SYCE2: variants seen among roughly 807,000 people sequenced by gnomAD.
SYCE2 encodes the protein synaptonemal complex central element protein 2, also known as central element synaptonemal complex 1.
In SYCE2, 3 loss-of-function variants were observed where a neutral mutation model predicts 27.9. The observed-to-expected ratio is 0.11, with a 90% CI of 0.05 to 0.28. SYCE2 has a LOEUF of 0.28. Among genes scored for constraint, SYCE2 ranks in the 10% least tolerant of loss-of-function variants. The probability of loss-of-function intolerance (pLI) is 1.00; values close to 1 mark genes in which losing one functional copy is unlikely to be tolerated. For synonymous variants in SYCE2, 85 were observed against 100.7 expected (o/e 0.84, Z 0.93); for missense variants, 207 against 263.5 (o/e 0.79, Z 1.48).
intron 5 of SYCE2, 87 bp downstream of exon 5, chr19:12,899,917 G>C (rs1341463636): frequency 1.9e-6 from 3 of 1,549,230 alleles, no homozygotes; most frequent in African/African-American, 2.7e-5. Context: ...AGTGCCTTAT[G>C]CTGGGTGTTG....
chr19:12,907,327 G>A (rs968055129), intron 2 of SYCE2, among the ~76,000 whole-genome samples: 20 of 152,298 alleles, frequency 1.3e-4, no homozygotes, highest in African/African-American at 4.6e-4. Flanking sequence ...CTGGTATCCT[G>A]CTTCCTACTA....
chr19:12,904,454 A>G (rs373948502), intron 3 of SYCE2, 38 bp downstream of exon 3: 8 of 1,612,418 alleles, frequency 5.0e-6, no homozygotes, highest in Admixed American at 1.7e-5. Flanking sequence ...CCCCTTTTGC[A>G]TAAGGAATCC....
At chr19:12,913,462 A>AAGG (rs1286847583) in intron 2 of SYCE2, among the ~76,000 whole-genome samples, 1 of 152,196 alleles carries the variant, frequency 6.6e-6, no homozygotes, top group Non-Finnish European at 1.5e-5. Context: ...GAGAGGAGGC[A>AAGG]AGCTAATCAA....
rs753299337 is a variant in SYCE2, at chr19:12,919,271, G to A, written c.-14C>T. 6.2e-7 allele frequency: 1 copy of A among 1,609,874 alleles called. No individual in the cohort carries two copies. The highest frequency in any genetic ancestry group is 1.3e-5 in the African/African-American group (1 of 75,052). On this transcript the variant is annotated 5_prime_UTR_variant, in exon 1 of 6. Transcript: ENST00000293695. ...CTGTCGCTCCATTCCGTATTTTCCC[G>A]CCTTCAAGCTCGCACCCTCTGCGCA...
rs1440337002 is a variant in SYCE2 at position 12,900,217 on chromosome 19, CCTTT to C, written c.496-101_496-98del. ...GTGGCAGGGGTGCAAGGGACTTTGTCCTTTCTGTCACCACAGAGCTGCTCATACA... is the reference window on the plus strand; with the variant it reads ...GTGGCAGGGGTGCAAGGGACTTTGTCCTGTCACCACAGAGCTGCTCATACA... On this transcript the variant is annotated intron_variant, in intron 4 of 5. Transcript: ENST00000293695. 4.2e-6 allele frequency: 6 copies of C among 1,422,178 alleles called. No individual in the cohort carries two copies. In the African/African-American group the frequency reaches 8.6e-5, roughly 20 times the overall value. 88.1% of individuals were successfully genotyped at this position (1,422,178 alleles called of 1,614,324 possible).
At chr19:12,917,531 T>C (rs1971158692) in intron 2 of SYCE2, among the ~76,000 whole-genome samples, 1 of 150,996 alleles carries the variant, frequency 6.6e-6, no homozygotes, top group African/African-American at 2.4e-5. Flanking sequence ...CCCAGCTAAC[T>C]TCTGTATTTT....
Position 12,899,233 on chromosome 19 carries a change from A to T in SYCE2, c.*108T>A. ...CTTTGGGTTTTTGTTTTTTTCTGCC[A>T]AGATGCATTATAGAACCATGAAAAA... On this transcript the variant is annotated 3_prime_UTR_variant, in exon 6 of 6. Transcript: ENST00000293695. 9.7e-7 allele frequency: 1 copy of T among 1,031,122 alleles called. No homozygotes were observed. The highest frequency in any genetic ancestry group is 1.5e-6 in the Non-Finnish European group (1 of 670,888). 63.9% of individuals were successfully genotyped at this position (1,031,122 alleles called of 1,614,324 possible).
chr19:12,904,732 T>A, intron 2 of SYCE2, 66 bp from the exon 3 acceptor site: 1 of 1,573,408 alleles, frequency 6.4e-7, no homozygotes, highest in South Asian at 1.1e-5. Context: ...CCAGGTGTAG[T>A]CGCTCATGCC....
intron 2 of SYCE2, among the ~76,000 whole-genome samples, chr19:12,915,601 CAAAAA>C (rs71168634): frequency 3.7e-5 from 3 of 81,268 alleles, no homozygotes; most frequent in Non-Finnish European, 2.7e-5. Flanking sequence ...GACTCCATCT[CAAAAA>C]AAAAAAAAAA....
intron 3 of SYCE2, among the ~76,000 whole-genome samples, chr19:12,902,352 AAAAT>A (rs552137873): frequency 3.9e-5 from 6 of 152,270 alleles, no homozygotes; most frequent in Non-Finnish European, 5.9e-5. Flanking sequence ...GTGCTGTATC[AAAAT>A]AAATAAATAA....
chr19:12,913,098 C>A (rs1971076204), intron 2 of SYCE2, among the ~76,000 whole-genome samples: 1 of 152,216 alleles, frequency 6.6e-6, no homozygotes, highest in South Asian at 2.1e-4. Flanking sequence ...CAAGTCAGCC[C>A]AACACAGCAC....
chr19:12,899,973 C>T (rs1443697355), intron 5 of SYCE2, 31 bp downstream of exon 5: 1 of 1,612,726 alleles, frequency 6.2e-7, no homozygotes, highest in Admixed American at 1.7e-5. Context: ...CATCTGACCC[C>T]AAGGTGTCAG....
At chr19:12,919,078 G>GT (rs1191141160) in intron 1 of SYCE2, among the ~76,000 whole-genome samples, 165 bp downstream of exon 1, 1 of 152,126 alleles carries the variant, frequency 6.6e-6, no homozygotes, top group Non-Finnish European at 1.5e-5. Context: ...TCAGGGCCGG[G>GT]TTCAGTCAGT....
In SYCE2 at chr19:12,899,274, G is replaced by T; in HGVS notation, c.*67C>A. ...CCATGAAAAACAATTTCTCAGTGTG[G>T]CCCAAATGGTGGCCTCACAGTCTTC... On this transcript the variant is annotated 3_prime_UTR_variant, in exon 6 of 6. Transcript: ENST00000293695. The T allele has an allele frequency of 7.2e-7, 1 of 1,381,244 alleles. No homozygotes were observed. Among genetic ancestry groups the T allele is most frequent in the Non-Finnish European group, 1.0e-6 (1 of 968,514 alleles). 85.6% of individuals were successfully genotyped at this position (1,381,244 alleles called of 1,614,324 possible). A position where few individuals can be genotyped will look rare whatever the true frequency, so the allele number is the denominator to read the frequency against.
At chr19:12,913,873 T>G (rs558663734) in intron 2 of SYCE2, 1 of 152,250 alleles carries the variant, frequency 6.6e-6, no homozygotes, top group South Asian at 2.1e-4. Flanking sequence ...CACACACCTA[T>G]AAACCATTTC....
Position 12,904,540 on chromosome 19 carries a change from T to C in SYCE2, c.258A>G (p.Gln86=), listed in dbSNP as rs561279278. Residue 86 remains glutamine (Q), a synonymous_variant, in exon 3 of 6, where the codon CAA becomes CAG. Transcript: ENST00000293695. ...ELIENINKSR[Q]KDHALMTNFR... ...AGTTGGTCATGAGTGCATGGTCCTT[T>C]TGCCGGCTCTTGTTGATGTTTTCGA... The C allele has an allele frequency of 1.9e-6, 3 of 1,614,134 alleles. No individual in the cohort carries two copies. The highest frequency in any genetic ancestry group is 1.1e-5 in the South Asian group (1 of 91,076).
At position 12,903,740 on chromosome 19, in the gene SYCE2, G is replaced by A. The variant is rs571944196; in HGVS notation, c.306+752C>T. On this transcript the variant is annotated intron_variant, in intron 3 of 5. Transcript: ENST00000293695. ...GCTCTCTAGCCCAGGCTGCAGTGCC[G>A]TGCAGAGCCACTGCACTGAGCCAAT... is the stretch of plus-strand genomic sequence containing the variant. 9.0e-4 allele frequency among the ~76,000 whole-genome samples: 137 copies of A among 151,994 alleles called. No homozygotes were observed. The Middle Eastern group carries it at 0.017, about 19-fold the overall frequency.
Position 12,913,749 on chromosome 19 carries a change from C to T in SYCE2, c.131+4473G>A, listed in dbSNP as rs1971086679. Among the ~76,000 whole-genome samples the T allele has an allele frequency of 2.6e-5, 4 of 152,306 alleles. No homozygotes were observed. The South Asian group carries it at 8.3e-4, about 32-fold the overall frequency. ...AAGTCTCTAAATGATTTGCAGCGGT[C>T]TGTGTCTCTTCACTACACAGATCCT... On this transcript the variant is annotated intron_variant, in intron 2 of 5. Coordinates refer to ENST00000293695, the MANE Select transcript of SYCE2 (RefSeq NM_001105578.2).
rs368816047 is a variant in SYCE2, at chr19:12,899,602, C to T, written c.613-217G>A. On this transcript the variant is annotated intron_variant, in intron 5 of 5. Transcript: ENST00000293695. ...TTTCTGGAGAGATGCCTGGCTGGAC[C>T]GTAGGAGCGCTGTGCTCTGAGCTTA... The T allele has an allele frequency of 1.1e-4, 185 of 1,613,352 alleles. No individual in the cohort carries two copies. The highest frequency in any genetic ancestry group is 3.0e-5 in the Non-Finnish European group (35 of 1,179,784).
Sources: allele counts gnomAD v4.1 joint callset (sites outside exome capture counted in the v4.1 genomes callset), GRCh38; gene constraint gnomAD v4.1.1; transcripts MANE v1.5; gene names NCBI Gene and HGNC (gene_info 2026-07-23, HGNC 2026-07-21).